Variants in CUBN observed in about 807,000 individuals in gnomAD.
CUBN encodes the protein 460 kDa receptor.
In CUBN, 282 loss-of-function variants were observed where a neutral mutation model predicts 405.3. The ratio of observed to expected loss-of-function variants is 0.70; its 90% confidence interval spans 0.63 to 0.77. The LOEUF is 0.77. Ranked by LOEUF, CUBN falls within the 30% of genes least tolerant of loss-of-function variation. CUBN has a pLI of 0.00. For synonymous variants in CUBN, 1,684 were observed against 1,617.0 expected (o/e 1.04, Z -0.99); for missense variants, 4,514 against 4,475.2 (o/e 1.01, Z -0.25).
intron 59 of CUBN, among the ~76,000 whole-genome samples, chr10:16,866,683 C>T (rs1036254190): frequency 6.6e-6 from 1 of 152,166 alleles, no homozygotes; most frequent in Non-Finnish European, 1.5e-5. Context: ...GATCATTTTG[C>T]TGGTTGTCAG....
intron 17 of CUBN, among the ~76,000 whole-genome samples, chr10:17,078,849 T>C (rs1035303194): frequency 6.6e-6 from 1 of 152,190 alleles, no homozygotes. Flanking sequence ...CTATTTGACC[T>C]AGGAATTTGT....
rs753563615 is a variant in CUBN at position 17,103,181 on chromosome 10, C to T, written c.1474G>A (p.Val492Ile). 7.4e-6 allele frequency: 12 copies of T among 1,613,890 alleles called. No homozygotes were observed. In the East Asian group the frequency reaches 1.6e-4, roughly 21 times the overall value. The change falls in exon 13 of 67, where the codon GTT (valine) becomes ATT (isoleucine). Residue 492 changes from valine (V) to isoleucine (I), a missense_variant. This residue lies in a region of CUBN where 1,448 missense variants were observed against 1,388.0 expected (regional missense o/e 1.04). Coordinates refer to ENST00000377833, the MANE Select transcript of CUBN (RefSeq NM_001081.4). ...NGSFSYRSPD[V>I]GYVHDVNCFW... is the part of the protein sequence containing the mutation. ...CAGTTAACATCATGAACATAACCAA[C>T]ATCCGGGCTCCTGTAGCTGAAGCTT... is the stretch of plus-strand genomic sequence containing the variant.
intron 15 of CUBN, 99 bp from the exon 16 acceptor site, chr10:17,085,858 T>C: frequency 8.7e-7 from 1 of 1,155,000 alleles, no homozygotes; most frequent in Non-Finnish European, 1.3e-6. Flanking sequence ...CATTTAAAAG[T>C]GATCGCTCAA....
Position 17,071,524 on chromosome 10 carries a change from T to C in CUBN, c.2527A>G (p.Arg843Gly). The C allele has an allele frequency of 6.2e-7, 1 of 1,613,934 alleles. No homozygotes were observed. The highest frequency in any genetic ancestry group is 8.5e-7 in the Non-Finnish European group (1 of 1,179,872). ...PNVYPGERTC[R>G]WTIHQPQSQV... ...CTTTGGGGCTGGTGGATGGTCCACCTACAGGTTCTTTCTCCAGGATACACG... is the reference window on the plus strand; with the variant it reads ...CTTTGGGGCTGGTGGATGGTCCACCCACAGGTTCTTTCTCCAGGATACACG... The change falls in exon 19 of 67, where the codon AGG becomes GGG. Residue 843 changes from arginine to glycine, a missense_variant. Arg to Gly is a moderately radical substitution (Grantham distance 125, BLOSUM62 -2). This residue lies in a region of CUBN where 1,448 missense variants were observed against 1,388.0 expected (regional missense o/e 1.04). Coordinates refer to ENST00000377833, the MANE Select transcript of CUBN (RefSeq NM_001081.4).
chr10:16,914,448 A>T (rs1395210093), intron 47 of CUBN, among the ~76,000 whole-genome samples: 3 of 152,034 alleles, frequency 2.0e-5, no homozygotes, highest in Non-Finnish European at 4.4e-5. Flanking sequence ...AATCTCAGCT[A>T]CTCAGGAGCC....
intron 14 of CUBN, among the ~76,000 whole-genome samples, chr10:17,092,804 A>G (rs1836295160): frequency 6.6e-6 from 1 of 152,168 alleles, no homozygotes; most frequent in South Asian, 2.1e-4. Context: ...TAATCACAAA[A>G]TAACTGTAAG....
chr10:17,123,767 T>C (rs1837101195), intron 4 of CUBN, 78 bp from the exon 5 acceptor site: 2 of 949,264 alleles, frequency 2.1e-6, no homozygotes, highest in Admixed American at 3.8e-5. Context: ...GCACGTGGGA[T>C]TACATTTAAC....
At position 16,874,594 on chromosome 10, in the gene CUBN, T is replaced by C. The variant is rs561192192; in HGVS notation, c.9107-91A>G. The C allele has an allele frequency of 6.5e-5, 98 of 1,504,984 alleles. No homozygotes were observed. The South Asian group carries it at 1.1e-3, about 16-fold the overall frequency. The allele number at this position is 1,504,984 out of a possible 1,614,324, so 93.2% of individuals were successfully genotyped here. ...AAGAGATTCTATACTATTGTACATT[T>C]TTCCCTAAAAGAGGTAATAATTATT... On this transcript the variant is annotated intron_variant, in intron 57 of 66. Transcript: ENST00000377833.
intron 17 of CUBN, among the ~76,000 whole-genome samples, chr10:17,081,062 G>C (rs550354106): frequency 2.4e-4 from 36 of 149,192 alleles, no homozygotes; most frequent in African/African-American, 8.0e-4. Context: ...TAAAAAAAAA[G>C]AAAGATATGC....
intron 22 of CUBN, among the ~76,000 whole-genome samples, chr10:17,062,914 T>C (rs1835532446): frequency 6.6e-6 from 1 of 152,238 alleles, no homozygotes; most frequent in African/African-American, 2.4e-5. Context: ...TGCTTTTCCC[T>C]GATGCTATTT....
intron 22 of CUBN, among the ~76,000 whole-genome samples, chr10:17,060,887 C>T (rs1835491452): frequency 6.6e-6 from 1 of 151,840 alleles, no homozygotes; most frequent in Admixed American, 6.6e-5. Flanking sequence ...CCTGTCTCTA[C>T]TAAAAATACA....
intron 31 of CUBN, among the ~76,000 whole-genome samples, chr10:16,974,749 C>A (rs1157165843): frequency 6.6e-6 from 1 of 152,146 alleles, no homozygotes. Context: ...CTCTGCCACC[C>A]CTGAGACAGC....
chr10:16,941,619 G>A (rs1444719796), intron 36 of CUBN, among the ~76,000 whole-genome samples: 1 of 152,090 alleles, frequency 6.6e-6, no homozygotes, highest in Non-Finnish European at 1.5e-5. Context: ...TGAGGTGGGA[G>A]GATCACTTGA....
chr10:16,889,263 T>G (rs1439281894), intron 55 of CUBN, among the ~76,000 whole-genome samples: 1 of 151,934 alleles, frequency 6.6e-6, no homozygotes, highest in Non-Finnish European at 1.5e-5. Context: ...GTGAACCACC[T>G]GCAGACCTAA....
At chr10:16,839,561 AAAC>A (rs2131317714) in intron 62 of CUBN, among the ~76,000 whole-genome samples, 1 of 99,950 alleles carries the variant, frequency 1.0e-5, no homozygotes, top group East Asian at 2.6e-4. Context: ...AAAAGTCAGG[AAAC>A]AACAGGTGCT....
intron 22 of CUBN, among the ~76,000 whole-genome samples, chr10:17,054,218 C>G (rs1195185755): frequency 6.6e-6 from 1 of 151,124 alleles, no homozygotes; most frequent in Admixed American, 6.6e-5. Flanking sequence ...GTAATCCCAG[C>G]TACTTGGGAG....
intron 12 of CUBN, among the ~76,000 whole-genome samples, chr10:17,103,676 A>G (rs569562930): frequency 1.3e-5 from 2 of 152,376 alleles, no homozygotes; most frequent in South Asian, 4.1e-4. Flanking sequence ...TCCTAAACAT[A>G]TAACAACAAC....
intron 31 of CUBN, among the ~76,000 whole-genome samples, chr10:16,956,639 A>G (rs1237791920): frequency 1.3e-5 from 2 of 152,048 alleles, no homozygotes; most frequent in Non-Finnish European, 2.9e-5. Flanking sequence ...ACAGTGTCCT[A>G]AGCTTGTAGT....
At chr10:17,119,538 T>C (rs1285007518) in intron 6 of CUBN, among the ~76,000 whole-genome samples, 1 of 152,184 alleles carries the variant, frequency 6.6e-6, no homozygotes, top group Non-Finnish European at 1.5e-5. Context: ...CAGGTGCCTG[T>C]AATCCCAGCT....
Sources: allele counts gnomAD v4.1 joint callset (sites outside exome capture counted in the v4.1 genomes callset), GRCh38; gene constraint gnomAD v4.1.1; regional missense constraint gnomAD v4.1.1; transcripts MANE v1.5; gene names NCBI Gene and HGNC (gene_info 2026-07-23, HGNC 2026-07-21).